The following NREP variants were observed in gnomAD, a reference collection of about 807,000 sequenced individuals.
NREP encodes neuronal regeneration-related protein.
A neutral mutation model predicts 8.6 loss-of-function variants in NREP; 5 were observed. The observed-to-expected ratio is 0.58, with a 90% CI of 0.30 to 1.22. NREP has a LOEUF of 1.22. Ranked by LOEUF, NREP falls within the 50% of genes most tolerant of loss-of-function variation. The pLI is 0.07. For synonymous variants in NREP, 27 were observed against 28.0 expected, an observed-to-expected ratio of 0.96 and a Z score of 0.11; for missense variants, 86 against 82.5, an observed-to-expected ratio of 1.04 and a Z score of -0.17.
chr5:111,908,653 C>CT (rs34509896), intron 2 of NREP, among the ~76,000 whole-genome samples: 1 of 151,750 alleles, frequency 6.6e-6, no homozygotes, highest in African/African-American at 2.4e-5. Flanking sequence ...ATACATACCA[C>CT]TTTTTTTTAA....
At chr5:111,975,494 A>C (rs1756937835) in intron 1 of NREP, 3 of 698,972 alleles carry the variant, frequency 4.3e-6, no homozygotes, top group Non-Finnish European at 5.0e-6. Context: ...TTCTAAAATG[A>C]GAAGGACACT....
intron 2 of NREP, chr5:111,912,669 A>C (rs1561723807): frequency 6.6e-6 from 1 of 152,112 alleles, no homozygotes; most frequent in Non-Finnish European, 1.5e-5. Context: ...GACAGGATCA[A>C]GATATCTTTC....
At chr5:111,896,842 G>A (rs924327845) in intron 2 of NREP, among the ~76,000 whole-genome samples, 5 of 152,144 alleles carry the variant, frequency 3.3e-5, no homozygotes, top group Admixed American at 6.6e-5. Context: ...TGAGGTGGGG[G>A]TAAGAACAGG....
chr5:111,823,612 T>C (rs1367231359), intron 2 of NREP, among the ~76,000 whole-genome samples: 2 of 152,244 alleles, frequency 1.3e-5, no homozygotes, highest in Non-Finnish European at 2.9e-5. Context: ...ATAAAAATAT[T>C]AACTAGGATT....
At chr5:111,755,063 T>C (rs1032471825) in intron 2 of NREP, among the ~76,000 whole-genome samples, 8 of 152,228 alleles carry the variant, frequency 5.3e-5, no homozygotes, top group African/African-American at 1.9e-4. Flanking sequence ...AAATTTTTCA[T>C]AGATGATTAA....
intron 2 of NREP, 102 bp downstream of exon 2, chr5:111,755,668 A>G: frequency 1.5e-6 from 2 of 1,305,950 alleles, no homozygotes. Context: ...GATGGGGTGT[A>G]GAACAATGAA....
chr5:111,793,747 G>T (rs78795543), intron 2 of NREP, among the ~76,000 whole-genome samples: 347 of 152,310 alleles, frequency 2.3e-3, no homozygotes, highest in African/African-American at 7.3e-3. Flanking sequence ...AAGTAAAGTT[G>T]ATGGCACATA....
At chr5:111,763,314 A>C (rs1751007941) in intron 2 of NREP, among the ~76,000 whole-genome samples, 1 of 152,256 alleles carries the variant, frequency 6.6e-6, no homozygotes, top group African/African-American at 2.4e-5. Flanking sequence ...ATTGTGAAAT[A>C]TGAATGCAAA....
intron 2 of NREP, among the ~76,000 whole-genome samples, chr5:111,765,745 T>A (rs1243740823): frequency 2.6e-5 from 4 of 152,192 alleles, no homozygotes; most frequent in African/African-American, 9.6e-5. Context: ...GGCATCTCTT[T>A]ATTTCTTGGC....
chr5:111,944,903 G>A (rs1464425389), intron 2 of NREP, among the ~76,000 whole-genome samples: 1 of 151,982 alleles, frequency 6.6e-6, no homozygotes, highest in Non-Finnish European at 1.5e-5. Flanking sequence ...TGTTCCATCT[G>A]TGTTTTAGTC....
At chr5:111,812,805 T>C (rs1283169922) in intron 2 of NREP, among the ~76,000 whole-genome samples, 2 of 152,186 alleles carry the variant, frequency 1.3e-5, no homozygotes, top group African/African-American at 4.8e-5. Flanking sequence ...ACTTATTGAA[T>C]AAACATCAAT....
At chr5:111,840,356 T>C (rs1753000226) in intron 2 of NREP, among the ~76,000 whole-genome samples, 3 of 152,142 alleles carry the variant, frequency 2.0e-5, no homozygotes, top group Admixed American at 2.0e-4. Flanking sequence ...TTCTTCATTC[T>C]TTTTCTTGCC....
At chr5:111,845,484 G>C (rs1753139957) in intron 2 of NREP, among the ~76,000 whole-genome samples, 1 of 151,944 alleles carries the variant, frequency 6.6e-6, no homozygotes, top group Admixed American at 6.6e-5. Flanking sequence ...GATTTAAATG[G>C]TTATGTTGAG....
At chr5:111,976,214 A>G (rs1346120510) in intron 1 of NREP, among the ~76,000 whole-genome samples, 2 of 152,224 alleles carry the variant, frequency 1.3e-5, no homozygotes, top group East Asian at 3.8e-4. Context: ...GGAGCTCTGC[A>G]TATTTCAATG....
intron 2 of NREP, among the ~76,000 whole-genome samples, chr5:111,886,384 C>G (rs1754249381): frequency 6.6e-6 from 1 of 151,960 alleles, no homozygotes; most frequent in Non-Finnish European, 1.5e-5. Context: ...GGACTGTAAA[C>G]TAGTTCAGCC....
chr5:111,865,022 G>A (rs901350762), intron 2 of NREP, among the ~76,000 whole-genome samples: 3 of 152,078 alleles, frequency 2.0e-5, no homozygotes, highest in Non-Finnish European at 4.4e-5. Flanking sequence ...TTATTATTGT[G>A]TATTCAAATA....
In NREP at chr5:111,974,711, C is replaced by A. The variant is rs77259201; in HGVS notation, c.135+563G>T. Among the ~76,000 whole-genome samples, 2,129 of 152,280 alleles carry A rather than the reference C, an allele frequency of 0.014. 167 individuals are homozygous for A. In the East Asian group the frequency reaches 0.22, roughly 16 times the overall value. On this transcript the variant is annotated intron_variant, in intron 2 of 3. Coordinates refer to the NREP transcript ENST00000395634. ...TACTGCTGTTCAATTTAACCTAATT[C>A]TAAAATTCTTACTCAGCTAAAATGA...
At chr5:111,780,017 C>T (rs963427529) in intron 2 of NREP, among the ~76,000 whole-genome samples, 2 of 152,176 alleles carry the variant, frequency 1.3e-5, no homozygotes, top group African/African-American at 4.8e-5. Context: ...ATAGTGCTGG[C>T]CGTGATCCAA....
Position 111,735,459 on chromosome 5 carries a change from T to C in NREP, c.52A>G (p.Asn18Asp). 1 of 1,613,024 alleles carries C rather than the reference T, an allele frequency of 6.2e-7. No individual in the cohort carries two copies. The highest frequency in any genetic ancestry group is 8.5e-7 in the Non-Finnish European group (1 of 1,179,222). ...GGAAGCCTTCCCTCCATGTCCTTGTTTGGAAATGGTTCTTGACTGACCCAG... is the reference window on the plus strand; with the variant it reads ...GGAAGCCTTCCCTCCATGTCCTTGTCTGGAAATGGTTCTTGACTGACCCAG... ...FVWVSQEPFP[N>D]KDMEGRLPKG... is the part of the protein sequence containing the mutation. Residue 18 changes from asparagine (N) to aspartate (D), a missense_variant, in exon 3 of 4, where the codon AAC becomes GAC. By Grantham distance (23) the Asn-to-Asp change is conservative (BLOSUM62 1). Transcript: ENST00000257435.
Sources: gnomAD v4.1 joint callset for allele counts (sites outside exome capture counted in the v4.1 genomes callset) on GRCh38, gnomAD v4.1.1 for gene constraint, MANE v1.5 for transcripts, NCBI Gene and HGNC (gene_info 2026-07-23, HGNC 2026-07-21) for gene names.